Variants in OR51B5 observed in about 807,000 individuals in gnomAD.
OR51B5 encodes the protein olfactory receptor family 51 subfamily B member 5, also known as olfactory receptor 51B5.
For synonymous variants in OR51B5, 186 were observed against 144.8 expected (o/e 1.28, Z -2.04); for missense variants, 456 against 374.6 (o/e 1.22, Z -1.79).
At chr11:5,363,287 C>T (rs2647603) in intron 1 of OR51B5, among the ~76,000 whole-genome samples, 53,230 of 139,986 alleles carry the variant, frequency 0.38, 10,779 homozygotes, top group Non-Finnish European at 0.41. Flanking sequence ...ACACACACAC[C>T]GGTGAGTGGA....
At chr11:5,476,447 C>T (rs551214344) in intron 1 of OR51B5, among the ~76,000 whole-genome samples, 1 of 152,272 alleles carries the variant, frequency 6.6e-6, no homozygotes, top group African/African-American at 2.4e-5. Flanking sequence ...TTGTATCATA[C>T]TCCAAGGATT....
At chr11:5,476,381 C>T (rs1303689364) in intron 1 of OR51B5, among the ~76,000 whole-genome samples, 1 of 152,180 alleles carries the variant, frequency 6.6e-6, no homozygotes, top group Non-Finnish European at 1.5e-5. Flanking sequence ...AACCTAGGTA[C>T]TCTTAGCTGT....
intron 1 of OR51B5, among the ~76,000 whole-genome samples, chr11:5,383,092 AT>A (rs371140238): frequency 0.15 from 22,871 of 149,986 alleles, 1,951 homozygotes; most frequent in Non-Finnish European, 0.19. Context: ...GTACAAGACT[AT>A]TTTTTTTTTT....
Position 5,342,825 on chromosome 11 carries a change from T to G in OR51B5, c.700A>C (p.Lys234Gln), listed in dbSNP as rs1476216356. 5 of 1,613,176 alleles carry G rather than the reference T, an allele frequency of 3.1e-6. No homozygotes were observed. In the South Asian group the frequency reaches 5.5e-5, roughly 18 times the overall value. Residue 234 changes from lysine to glutamine, a missense_variant, in exon 1 of 1, where the codon AAG becomes CAG. Physicochemically the swap from Lys to Gln is moderately conservative, Grantham distance 53. Coordinates refer to ENST00000300773, the Ensembl canonical transcript of OR51B5. ...TGGGAGACACAGGTAATGAGAGCCT[T>G]GGCCCTCTCCTCTCTGGAGGCAATG...
At chr11:5,424,976 C>T (rs1221242351) in intron 1 of OR51B5, among the ~76,000 whole-genome samples, 1 of 64,812 alleles carries the variant, frequency 1.5e-5, no homozygotes, top group Non-Finnish European at 3.2e-5. Context: ...AGTGAGACTC[C>T]GCCTCAAAAA....
At chr11:5,341,427 G>C (rs1275335203), downstream of OR51B5, 1 of 152,190 alleles carries the variant, frequency 6.6e-6, no homozygotes, top group Non-Finnish European at 1.5e-5. Flanking sequence ...TCTGTAAAAT[G>C]ATCGGGGTAA....
chr11:5,385,802 AAAAAAT>A (rs1849682459), intron 1 of OR51B5, among the ~76,000 whole-genome samples: 1 of 142,376 alleles, frequency 7.0e-6, no homozygotes, highest in South Asian at 2.2e-4. Context: ...ACTTATATAT[AAAAAAT>A]CTATAAAGTA....
chr11:5,394,822 CAG>C (rs1204663742), intron 1 of OR51B5, among the ~76,000 whole-genome samples: 1 of 152,182 alleles, frequency 6.6e-6, no homozygotes, highest in Non-Finnish European at 1.5e-5. Flanking sequence ...TTCTGAAAGA[CAG>C]AGTTTGTGTC....
chr11:5,454,283 G>A (rs376176921), intron 1 of OR51B5: 2 of 1,614,042 alleles, frequency 1.2e-6, no homozygotes, highest in East Asian at 2.2e-5. Context: ...ACCGCTTTGG[G>A]AAGCATGTCC....
At chr11:5,348,796 C>T (rs1240856928) in intron 1 of OR51B5, among the ~76,000 whole-genome samples, 1 of 152,082 alleles carries the variant, frequency 6.6e-6, no homozygotes, top group Non-Finnish European at 1.5e-5. Flanking sequence ...TTACAGCACA[C>T]CCAGGAACAA....
At chr11:5,405,289 G>A (rs558463287) in intron 1 of OR51B5, among the ~76,000 whole-genome samples, 1 of 152,198 alleles carries the variant, frequency 6.6e-6, no homozygotes, top group East Asian at 1.9e-4. Flanking sequence ...TAAACATCTT[G>A]CTCAAATCTA....
At chr11:5,342,932 G>C in exon 1 of OR51B5, 1 of 1,613,918 alleles carries the variant, frequency 6.2e-7, no homozygotes, top group Non-Finnish European at 8.5e-7. Context: ...TACAAGCACA[G>C]CTGGGTACAG....
chr11:5,453,575 G>A (rs1205176933), intron 1 of OR51B5: 3 of 1,612,466 alleles, frequency 1.9e-6, no homozygotes, highest in East Asian at 2.2e-5. Flanking sequence ...GGCTGTCAGG[G>A]CCCCTCTGCG....
intron 1 of OR51B5, among the ~76,000 whole-genome samples, chr11:5,443,654 A>G (rs952026982): frequency 2.6e-5 from 4 of 152,126 alleles, no homozygotes; most frequent in Non-Finnish European, 5.9e-5. Context: ...CTAGAAAGTA[A>G]TATTTTATCT....
downstream of OR51B5, chr11:5,341,062 C>CAATTACATCTCTTAATGAAACAG (rs1554931557): frequency 6.6e-6 from 1 of 152,176 alleles, no homozygotes; most frequent in Non-Finnish European, 1.5e-5. Flanking sequence ...AGTTCTTTCA[C>CAATTACATCTCTTAATGAAACAG]AATTACATCT....
At chr11:5,397,206 G>T (rs1255068235) in intron 1 of OR51B5, among the ~76,000 whole-genome samples, 2 of 152,156 alleles carry the variant, frequency 1.3e-5, no homozygotes, top group Non-Finnish European at 2.9e-5. Flanking sequence ...TCACTAATGG[G>T]ATCTAATTAA....
At chr11:5,429,688 G>A (rs994506352) in intron 1 of OR51B5, among the ~76,000 whole-genome samples, 2 of 152,074 alleles carry the variant, frequency 1.3e-5, no homozygotes, top group African/African-American at 2.4e-5. Context: ...GGGGCAGGAT[G>A]GGGAACAGAT....
At chr11:5,422,485 C>T (rs2133761059) in intron 1 of OR51B5, 1 of 1,614,184 alleles carries the variant, frequency 6.2e-7, no homozygotes, top group East Asian at 2.2e-5. Context: ...GTAGAATCAG[C>T]TCTGAGGCCT....
chr11:5,408,785 AT>A (rs2095616971), intron 1 of OR51B5, among the ~76,000 whole-genome samples: 1 of 152,156 alleles, frequency 6.6e-6, no homozygotes, highest in Non-Finnish European at 1.5e-5. Flanking sequence ...CTCAGCCTTA[AT>A]CTCACTTTCT....
Sources: allele counts gnomAD v4.1 joint callset (sites outside exome capture counted in the v4.1 genomes callset), GRCh38; gene constraint gnomAD v4.1.1; transcripts MANE v1.5; gene names NCBI Gene and HGNC (gene_info 2026-07-23, HGNC 2026-07-21).